The following SPEG variants were observed in gnomAD, a reference collection of about 807,000 sequenced individuals.
SPEG encodes the protein striated muscle preferentially expressed protein kinase.
A neutral mutation model predicts 300.4 loss-of-function variants in SPEG; 114 were observed. That is an observed-to-expected ratio of 0.38 (90% CI 0.33 to 0.44). The LOEUF (loss-of-function observed/expected upper bound fraction) is 0.44. SPEG is among the 20% of genes least tolerant of loss of function. The probability of loss-of-function intolerance (pLI) is 1.00; values close to 1 mark genes in which losing one functional copy is unlikely to be tolerated. For missense variants in SPEG, 4,201 were observed against 4,586.2 expected (o/e 0.92, Z 2.43); for synonymous variants, 1,964 against 2,018.9 (o/e 0.97, Z 0.73).
In SPEG at chr2:219,477,615, T is replaced by C; in HGVS notation, c.4730-74T>C. On this transcript the variant is annotated intron_variant, in intron 20 of 40. Transcript: ENST00000312358. This position sits in a 1 kb window ranked among gnomAD's most constrained non-coding sequence, Gnocchi z 6.4. ...TTGCACCTCTTCTCTCTTCTTCTTC[T>C]GTCCACCTGTCCCAGTCTCTGGCCT... The C allele has an allele frequency of 2.1e-6, 3 of 1,410,030 alleles. No individual in the cohort carries two copies. In the South Asian group the frequency reaches 4.1e-5, roughly 19 times the overall value. 87.3% of individuals were successfully genotyped at this position (1,410,030 alleles called of 1,614,324 possible).
Position 219,477,257 on chromosome 2 carries a change from G to A in SPEG, c.4561-20G>A. 6.2e-7 allele frequency: 1 copy of A among 1,602,144 alleles called. No individual in the cohort carries two copies. Among genetic ancestry groups the A allele is most frequent in the Non-Finnish European group, 8.5e-7 (1 of 1,176,030 alleles). On this transcript the variant is annotated intron_variant, in intron 19 of 40. Transcript: ENST00000312358. The surrounding 1 kb of genome is among the most constrained non-coding windows in gnomAD (Gnocchi z 6.4). ...GAGATGAGGCCAGGCCCAGGCTGAA[G>A]GTGAGACCCCACTCTGCAGGACGAG...
At chr2:219,442,184 CT>C in intron 1 of SPEG, 1 of 770,114 alleles carries the variant, frequency 1.3e-6, no homozygotes, top group Non-Finnish European at 1.7e-6. Flanking sequence ...GGAGGGGGCG[CT>C]GGATCGGCGC....
At position 219,472,748 on chromosome 2, in the gene SPEG, G is replaced by A. The variant is rs565971307; in HGVS notation, c.3941-142G>A. On this transcript the variant is annotated intron_variant, in intron 15 of 40. Transcript: ENST00000312358. ...GAAGTGGCTGGGCAAGAGCAGATGG[G>A]GGGACAGGCAGGAAGCAACAGCAGA... 2.4e-5 allele frequency: 16 copies of A among 668,106 alleles called. No homozygotes were observed. The East Asian group carries it at 4.5e-4, about 19-fold the overall frequency. The allele number at this position is 668,106 out of a possible 1,614,324, so 41.4% of individuals were successfully genotyped here.
In SPEG at chr2:219,449,196, TG is replaced by T. The variant is rs1236031589; in HGVS notation, c.2043del (p.Trp683GlyfsTer37). 3 of 1,393,456 alleles carry T rather than the reference TG, an allele frequency of 2.2e-6. No homozygotes were observed. The highest frequency in any genetic ancestry group is 1.9e-6 in the Non-Finnish European group (2 of 1,074,462). 86.3% of individuals were successfully genotyped at this position (1,393,456 alleles called of 1,614,324 possible). On this transcript the variant is annotated frameshift_variant, in exon 4 of 41. Coordinates refer to ENST00000312358, the MANE Select transcript of SPEG (RefSeq NM_005876.5). LOFTEE classifies it high-confidence loss of function. ...CAGAGGGCCGGAGGAGGACGGTCCCTGGGGGCCCTGGGACCGCCGAGGGGCC... is the reference window on the plus strand; with the variant it reads ...CAGAGGGCCGGAGGAGGACGGTCCCTGGGGCCCTGGGACCGCCGAGGGGCC... ...LRRGPEEDGP[W>X]GPWDRRGARS... is the part of the protein sequence containing the mutation.
In SPEG at chr2:219,483,366, C is replaced by A; in HGVS notation, c.5903C>A (p.Ala1968Asp). 1 of 1,603,374 alleles carries A rather than the reference C, an allele frequency of 6.2e-7. No individual in the cohort carries two copies. ...CTGGGGACCCCAGAGACTGGGGCTG[C>A]CACCCCCATGGACTGGCAGGAGCAG... The part of the protein sequence containing the change: ...EALGTPETGA[A>D]TPMDWQEQGR... The change falls in exon 30 of 41, where the codon GCC (alanine) becomes GAC (aspartate). Residue 1968 changes from alanine to aspartate, a missense_variant. By Grantham distance (126) the Ala-to-Asp change is moderately radical. Coordinates refer to ENST00000312358, the MANE Select transcript of SPEG (RefSeq NM_005876.5).
Position 219,483,460 on chromosome 2 carries a change from C to G in SPEG, c.5997C>G (p.Pro1999=), listed in dbSNP as rs905176594. The change falls in exon 30 of 41, where the codon CCC becomes CCG. Residue 1999 remains proline (P), a synonymous_variant. Transcript: ENST00000312358. The stretch of plus-strand genomic sequence containing the variant: ...CCCTCCCCTCCCCAGGCCAGGAGCC[C>G]GCAGCTGGGGCTAGCCCCAGGCGGG... The part of the protein sequence containing the change: ...PEALPSPGQE[P]AAGASPRRGE... The G allele has an allele frequency of 9.3e-6, 14 of 1,502,786 alleles. No homozygotes were observed. Among genetic ancestry groups the G allele is most frequent in the African/African-American group, 5.6e-5 (4 of 71,362 alleles). 93.1% of individuals were successfully genotyped at this position (1,502,786 alleles called of 1,614,324 possible).
chr2:219,461,809 G>A (rs917921897), intron 6 of SPEG, 73 bp from the exon 7 acceptor site: 8 of 1,501,616 alleles, frequency 5.3e-6, no homozygotes, highest in Admixed American at 1.8e-5. Flanking sequence ...TGGGCTCTGG[G>A]CGACATTCCA....
rs749508990 is a variant in SPEG, at chr2:219,490,842, C to T, written c.9271C>T (p.Leu3091=). Residue 3091 remains leucine (L), a synonymous_variant, in exon 38 of 41, where the codon CTG becomes TTG. Coordinates refer to ENST00000312358, the MANE Select transcript of SPEG (RefSeq NM_005876.5). ...VLHLDIKPDN[L]LLAPDNALKI... Reference sequence around the variant, plus strand: ...CCACCTAGACATCAAGCCAGACAACCTGCTGCTGGCCCCTGACAATGCCCT... The same window carrying T: ...CCACCTAGACATCAAGCCAGACAACTTGCTGCTGGCCCCTGACAATGCCCT... The T allele has an allele frequency of 7.4e-6, 12 of 1,613,968 alleles. No individual in the cohort carries two copies. Among genetic ancestry groups the T allele is most frequent in the Middle Eastern group, 1.6e-4 (1 of 6,084 alleles).
At chr2:219,441,509 G>T in intron 1 of SPEG, 1 of 469,910 alleles carries the variant, frequency 2.1e-6, no homozygotes. Context: ...GTTCGGTTCT[G>T]CCTGGCACAG....
chr2:219,483,623 G>T lies in SPEG; in HGVS notation c.6160G>T (p.Ala2054Ser), dbSNP rs779789801. ...CCCCAGCCCGGGAGCCACCCGCCTGGCCCGGGGAGGCCTGGGTGAGGGCGA... is the reference window on the plus strand; with the variant it reads ...CCCCAGCCCGGGAGCCACCCGCCTGTCCCGGGGAGGCCTGGGTGAGGGCGA... ...RSPSPGATRL[A>S]RGGLGEGEYA... Residue 2054 changes from alanine (A) to serine (S), a missense_variant, in exon 30 of 41, where the codon GCC (alanine) becomes TCC (serine). Ala to Ser is a moderately conservative substitution (Grantham distance 99, BLOSUM62 1). This residue lies in a region of SPEG where 1,578 missense variants were observed against 1,506.0 expected (regional missense o/e 1.05). Transcript: ENST00000312358. 1.3e-6 allele frequency: 2 copies of T among 1,513,496 alleles called. No individual in the cohort carries two copies. Among genetic ancestry groups the T allele is most frequent in the East Asian group, 5.3e-5 (2 of 37,844 alleles). The allele number at this position is 1,513,496 out of a possible 1,614,324, so 93.8% of individuals were successfully genotyped here. A position where few individuals can be genotyped will look rare whatever the true frequency, so the allele number is the denominator to read the frequency against.
chr2:219,484,629 A>T lies in SPEG; in HGVS notation c.7166A>T (p.Glu2389Val). The T allele has an allele frequency of 1.3e-6, 2 of 1,543,426 alleles. No individual in the cohort carries two copies. The highest frequency in any genetic ancestry group is 1.7e-6 in the Non-Finnish European group (2 of 1,149,020). Residue 2389 changes from glutamate (E) to valine (V), a missense_variant, in exon 30 of 41, where the codon GAG (glutamate) becomes GTG (valine). Around this residue, in one of 4 missense-constraint regions of SPEG, gnomAD observed 1,578 missense variants for 1,506.0 expected, o/e 1.05. Coordinates refer to ENST00000312358, the MANE Select transcript of SPEG (RefSeq NM_005876.5). ...GTPLELVRRP[E>V]RSRSVQDLRA... ...CCGCTGGAGCTGGTGCGACGGCCTGAGCGCTCACGCTCGGTGCAGGACCTC... is the reference window on the plus strand; with the variant it reads ...CCGCTGGAGCTGGTGCGACGGCCTGTGCGCTCACGCTCGGTGCAGGACCTC...
In SPEG at chr2:219,439,200, C is replaced by T. The variant is rs192324539; in HGVS notation, c.388+3835C>T. 2.0e-3 allele frequency among the ~76,000 whole-genome samples: 303 copies of T among 152,224 alleles called. 1 individual carries two copies. The highest frequency in any genetic ancestry group is 3.6e-3 in the Non-Finnish European group (244 of 68,010). ...GGGGGAAGGCTGGATGAGTGGAAGCCGTTGCAGGAAGATTTACTGTCCCCG... is the reference window on the plus strand; with the variant it reads ...GGGGGAAGGCTGGATGAGTGGAAGCTGTTGCAGGAAGATTTACTGTCCCCG... On this transcript the variant is annotated intron_variant, in intron 1 of 40. Transcript: ENST00000312358. The surrounding 1 kb of genome is among the most constrained non-coding windows in gnomAD (Gnocchi z 4.5).
At chr2:219,465,900 GGT>G (rs1229418490) in intron 9 of SPEG, 2 of 657,992 alleles carry the variant, frequency 3.0e-6, no homozygotes, top group East Asian at 5.7e-5. Context: ...TGTGCGTATG[GGT>G]GTGTGCATGC....
At position 219,484,513 on chromosome 2, in the gene SPEG, G is replaced by A. The variant is rs1380154679; in HGVS notation, c.7050G>A (p.Arg2350=). Reference sequence around the variant, plus strand: ...AGTCGCCCCTGTCGCTGGGGCTGCGGCTGCTGAGCCGTTCGCGCTCGGAGG... The same window carrying A: ...AGTCGCCCCTGTCGCTGGGGCTGCGACTGCTGAGCCGTTCGCGCTCGGAGG... ...SRESPLSLGL[R]LLSRSRSEER... The change falls in exon 30 of 41, where the codon CGG becomes CGA. Residue 2350 remains arginine (R), a synonymous_variant. Transcript: ENST00000312358. 6.2e-7 allele frequency: 1 copy of A among 1,601,646 alleles called. No individual in the cohort carries two copies. Among genetic ancestry groups the A allele is most frequent in the Non-Finnish European group, 8.5e-7 (1 of 1,176,526 alleles).
rs4674399 is a variant in SPEG at position 219,451,857 on chromosome 2, C to T, written c.2440+50C>T. On this transcript the variant is annotated intron_variant, in intron 6 of 40. Coordinates refer to ENST00000312358, the MANE Select transcript of SPEG (RefSeq NM_005876.5). The surrounding 1 kb of genome is among the most constrained non-coding windows in gnomAD (Gnocchi z 6.4). ...CTGGGTGGGGGCAAGCCGTGACTCT[C>T]CCCTGGCCCAGGCCCCAGTCCACCT... 0.99 allele frequency: 1,452,303 copies of T among 1,463,806 alleles called. 720,920 individuals carry two copies. The highest frequency in any genetic ancestry group is 1 in the Non-Finnish European group (1,098,239 of 1,098,684). The allele number at this position is 1,463,806 out of a possible 1,614,324, so 90.7% of individuals were successfully genotyped here.
chr2:219,448,550 C>A lies in SPEG; in HGVS notation c.1392C>A (p.Ala464=). Residue 464 remains alanine, a synonymous_variant, in exon 4 of 41, where the codon GCC becomes GCA. Transcript: ENST00000312358. ...AACTGCGGGCGCCAGGCAGCGTGGCCGAGCGGCGCCGCCTGTTCCAGCAGA... is the reference window on the plus strand; with the variant it reads ...AACTGCGGGCGCCAGGCAGCGTGGCAGAGCGGCGCCGCCTGTTCCAGCAGA... ...QEELRAPGSV[A]ERRRLFQQKA... The A allele has an allele frequency of 6.9e-7, 1 of 1,444,514 alleles. No individual in the cohort carries two copies. The highest frequency in any genetic ancestry group is 2.9e-5 in the East Asian group (1 of 34,168). The allele number at this position is 1,444,514 out of a possible 1,614,324, so 89.5% of individuals were successfully genotyped here.
In SPEG at chr2:219,471,321, C is replaced by G. The variant is rs934965711; in HGVS notation, c.3716-547C>G. Among the ~76,000 whole-genome samples, 6 of 152,258 alleles carry G rather than the reference C, an allele frequency of 3.9e-5. 1 individual carries two copies. Among genetic ancestry groups the G allele is most frequent in the Middle Eastern group, 6.8e-3 (2 of 294 alleles). ...CTCGTTCAGGGGCCTGATAGTTAGC[C>G]AGCATCAAGATGCAGAGGAGCAACA... On this transcript the variant is annotated intron_variant, in intron 13 of 40. Coordinates refer to ENST00000312358, the MANE Select transcript of SPEG (RefSeq NM_005876.5).
chr2:219,469,781 T>G, intron 13 of SPEG, among the ~76,000 whole-genome samples: 1 of 152,168 alleles, frequency 6.6e-6, no homozygotes, highest in East Asian at 1.9e-4. Context: ...GTGTGAAGTC[T>G]CAGTATTCTT....
At chr2:219,463,392 ATTTTTTTTTTTTTTTTTT>A (rs71040459) in intron 8 of SPEG, among the ~76,000 whole-genome samples, 9 of 23,908 alleles carry the variant, frequency 3.8e-4, no homozygotes, top group African/African-American at 1.0e-3. Context: ...CCCCACTGTG[ATTTTTTTTTTTTTTTTTT>A]TTTTTTTTTT....
Sources: gnomAD v4.1 joint callset for allele counts (sites outside exome capture counted in the v4.1 genomes callset) on GRCh38, gnomAD v4.1.1 for gene constraint, gnomAD v4.1.1 regional missense constraint, Gnocchi (gnomAD v3.1) non-coding constraint, MANE v1.5 for transcripts, NCBI Gene and HGNC (gene_info 2026-07-23, HGNC 2026-07-21) for gene names.